The following EPHA5 variants were observed in gnomAD, a reference collection of about 807,000 sequenced individuals.
EPHA5 encodes ephrin type-A receptor 5.
EPHA5 carries 60 observed loss-of-function variants against 105.0 expected under a neutral mutation model. That is an observed-to-expected ratio of 0.57 (90% CI 0.46 to 0.71). The LOEUF is 0.71. Ranked by LOEUF, EPHA5 falls within the 30% of genes least tolerant of loss-of-function variation. The pLI, the probability that EPHA5 is intolerant of heterozygous loss-of-function variation, is 0.00. For synonymous variants in EPHA5, 513 were observed against 449.1 expected, an observed-to-expected ratio of 1.14 and a Z score of -1.80; for missense variants, 1,218 against 1,274.7, an observed-to-expected ratio of 0.96 and a Z score of 0.68.
At chr4:65,512,481 G>T (rs1302979575) in intron 3 of EPHA5, among the ~76,000 whole-genome samples, 4 of 151,936 alleles carry the variant, frequency 2.6e-5, no homozygotes, top group East Asian at 1.9e-4. Flanking sequence ...ATGGTGAACC[G>T]CCATACTTTT....
At chr4:65,586,708 T>C (rs765548620) in intron 3 of EPHA5, among the ~76,000 whole-genome samples, 9 of 152,032 alleles carry the variant, frequency 5.9e-5, no homozygotes, top group Non-Finnish European at 1.3e-4. Flanking sequence ...TGAAGCTAAC[T>C]ACTAACTCAG....
chr4:65,571,566 GTTTGCTTCCTAAACAGTATTATCA>G (rs1196894368), intron 3 of EPHA5, among the ~76,000 whole-genome samples: 1 of 152,114 alleles, frequency 6.6e-6, no homozygotes, highest in East Asian at 1.9e-4. Flanking sequence ...AAGAAAAGAG[GTTTGCTTCCTAAACAGTATTATCA>G]TTTCTACTCA....
rs368729560 is a variant in EPHA5 at position 65,600,679 on chromosome 4, T to C, written c.910+962A>G. Among the ~76,000 whole-genome samples, 22 of 152,272 alleles carry C rather than the reference T, an allele frequency of 1.4e-4. No individual in the cohort carries two copies. The East Asian group carries it at 2.1e-3, about 15-fold the overall frequency. Reference sequence around the variant, plus strand: ...GGGCTGCTCAGCATTCAAAGTTCCCTAAGTTAATATTCATTAACTTTCATT... The same window carrying C: ...GGGCTGCTCAGCATTCAAAGTTCCCCAAGTTAATATTCATTAACTTTCATT... On this transcript the variant is annotated intron_variant, in intron 3 of 16. Coordinates refer to ENST00000613740, the MANE Select transcript of EPHA5 (RefSeq NM_001281766.3).
chr4:65,427,834 C>T (rs1724594444), intron 5 of EPHA5, among the ~76,000 whole-genome samples: 1 of 152,108 alleles, frequency 6.6e-6, no homozygotes, highest in African/African-American at 2.4e-5. Context: ...CAGTATCTAT[C>T]TGAATAATAG....
chr4:65,426,490 T>G (rs1286133329), intron 5 of EPHA5, among the ~76,000 whole-genome samples: 1 of 147,046 alleles, frequency 6.8e-6, no homozygotes, highest in Non-Finnish European at 1.5e-5. Context: ...ATTTCTTTAC[T>G]TGTGTATTGT....
chr4:65,619,146 C>CA (rs544303551), intron 2 of EPHA5, among the ~76,000 whole-genome samples: 25 of 148,886 alleles, frequency 1.7e-4, no homozygotes, highest in African/African-American at 4.9e-4. Flanking sequence ...AGACTCCGTC[C>CA]AAAAAAAAAG....
intron 5 of EPHA5, among the ~76,000 whole-genome samples, chr4:65,453,998 G>A (rs1727321037): frequency 6.6e-6 from 1 of 152,042 alleles, no homozygotes; most frequent in Non-Finnish European, 1.5e-5. Flanking sequence ...TATGAATTGT[G>A]GGCCAGGCAC....
chr4:65,649,498 A>G (rs1748406887), intron 1 of EPHA5, among the ~76,000 whole-genome samples: 1 of 152,202 alleles, frequency 6.6e-6, no homozygotes, highest in Non-Finnish European at 1.5e-5. Context: ...TTGGGTAACT[A>G]GTCCTTTTGT....
chr4:65,538,955 A>T (rs1295697000), intron 3 of EPHA5, among the ~76,000 whole-genome samples: 1 of 151,704 alleles, frequency 6.6e-6, no homozygotes, highest in Non-Finnish European at 1.5e-5. Context: ...TTATGATATC[A>T]CGAAGAGTAG....
At chr4:65,580,627 AAAAG>A (rs1741522047) in intron 3 of EPHA5, among the ~76,000 whole-genome samples, 1 of 151,728 alleles carries the variant, frequency 6.6e-6, no homozygotes, top group Non-Finnish European at 1.5e-5. Flanking sequence ...AAAATAAAAT[AAAAG>A]CCCTCTGCTC....
At chr4:65,599,151 A>T (rs1476730857) in intron 3 of EPHA5, among the ~76,000 whole-genome samples, 5 of 152,132 alleles carry the variant, frequency 3.3e-5, no homozygotes, top group African/African-American at 7.2e-5. Flanking sequence ...TGATTTAAAG[A>T]GAAAGTTGAC....
chr4:65,567,341 T>G (rs1739655136), intron 3 of EPHA5, among the ~76,000 whole-genome samples: 1 of 151,662 alleles, frequency 6.6e-6, no homozygotes, highest in Non-Finnish European at 1.5e-5. Context: ...TACTTGGTCT[T>G]GAAATGCTTA....
At chr4:65,446,961 G>A (rs982649541) in intron 5 of EPHA5, among the ~76,000 whole-genome samples, 21 of 147,656 alleles carry the variant, frequency 1.4e-4, no homozygotes, top group African/African-American at 4.7e-4. Flanking sequence ...CCATGTCTGC[G>A]TTTTTAAAAG....
At chr4:65,355,909 A>G (rs1560447081) in intron 11 of EPHA5, among the ~76,000 whole-genome samples, 1 of 151,750 alleles carries the variant, frequency 6.6e-6, no homozygotes, top group East Asian at 1.9e-4. Context: ...TTCTGGAATC[A>G]GCCTATAATT....
At chr4:65,602,914 A>C (rs1743878769) in intron 2 of EPHA5, among the ~76,000 whole-genome samples, 1 of 152,136 alleles carries the variant, frequency 6.6e-6, no homozygotes. Flanking sequence ...TCTATTCAGG[A>C]CTCTCACAAA....
At chr4:65,511,614 C>T (rs1158047222) in intron 3 of EPHA5, among the ~76,000 whole-genome samples, 1 of 151,970 alleles carries the variant, frequency 6.6e-6, no homozygotes, top group Non-Finnish European at 1.5e-5. Context: ...ACTCTATAAC[C>T]CCAATTCTAT....
intron 11 of EPHA5, among the ~76,000 whole-genome samples, chr4:65,354,828 A>G (rs1723147005): frequency 6.6e-6 from 1 of 151,800 alleles, no homozygotes; most frequent in Non-Finnish European, 1.5e-5. Flanking sequence ...CACCGTTTAT[A>G]ATAATAATAT....
intron 5 of EPHA5, among the ~76,000 whole-genome samples, chr4:65,444,717 T>A (rs1243785014): frequency 6.6e-6 from 1 of 152,130 alleles, no homozygotes; most frequent in South Asian, 2.1e-4. Context: ...TTTACCTTCT[T>A]TCTTTGGTAG....
chr4:65,585,917 GC>G (rs538879745), intron 3 of EPHA5, among the ~76,000 whole-genome samples: 93 of 151,592 alleles, frequency 6.1e-4, no homozygotes, highest in African/African-American at 2.2e-3. Context: ...AATGCCTGCA[GC>G]CTTACTTTTT....
Sources: allele counts gnomAD v4.1 joint callset (sites outside exome capture counted in the v4.1 genomes callset), GRCh38; gene constraint gnomAD v4.1.1; transcripts MANE v1.5; gene names NCBI Gene and HGNC (gene_info 2026-07-23, HGNC 2026-07-21).